Variants in R3HDM2 observed in about 807,000 individuals in gnomAD.
The protein encoded by R3HDM2 is R3H domain containing 2, also known as R3H domain-containing protein 2.
In R3HDM2, 38 loss-of-function variants were observed where a neutral mutation model predicts 124.5. The ratio of observed to expected loss-of-function variants is 0.31; its 90% CI spans 0.24 to 0.40. The LOEUF (loss-of-function observed/expected upper bound fraction) is 0.40. R3HDM2 is among the 10% of genes least tolerant of loss of function. The pLI is 1.00. For missense variants in R3HDM2, 869 were observed against 1,236.9 expected, an observed-to-expected ratio of 0.70 and a Z score of 4.46; for synonymous variants, 391 against 448.0, an observed-to-expected ratio of 0.87 and a Z score of 1.61.
chr12:57,361,443 T>C (rs1395793709), intron 2 of R3HDM2, among the ~76,000 whole-genome samples: 1 of 149,762 alleles, frequency 6.7e-6, no homozygotes, highest in African/African-American at 2.5e-5. Context: ...CCCTACACTT[T>C]GGGAAACTGA....
intron 2 of R3HDM2, among the ~76,000 whole-genome samples, chr12:57,344,960 G>A (rs2059941635): frequency 6.6e-6 from 1 of 151,794 alleles, no homozygotes; most frequent in Admixed American, 6.6e-5. Context: ...TCAGCCTCCA[G>A]AGTAGCTGGG....
chr12:57,382,118 G>A (rs1236853161), intron 2 of R3HDM2, among the ~76,000 whole-genome samples: 1 of 151,302 alleles, frequency 6.6e-6, no homozygotes, highest in Non-Finnish European at 1.5e-5. Flanking sequence ...ACTGCACCCA[G>A]ACTTTTTTTT....
chr12:57,360,049 T>TA (rs2061739660), intron 2 of R3HDM2, among the ~76,000 whole-genome samples: 50 of 52,714 alleles, frequency 9.5e-4, no homozygotes, highest in Admixed American at 3.2e-3. Context: ...ATATATATAT[T>TA]TTTTTTTTTT....
intron 1 of R3HDM2, among the ~76,000 whole-genome samples, chr12:57,419,374 A>C (rs1407213674): frequency 1.3e-5 from 2 of 150,706 alleles, no homozygotes; most frequent in African/African-American, 4.9e-5. Context: ...TGAACTCCTG[A>C]TCTCATGATC....
intron 2 of R3HDM2, among the ~76,000 whole-genome samples, chr12:57,385,655 T>A (rs1203033242): frequency 6.6e-6 from 1 of 150,902 alleles, no homozygotes; most frequent in Admixed American, 6.6e-5. Context: ...CAGTGAGCCC[T>A]GCACTCCAGC....
rs181165381 is a variant in R3HDM2 at position 57,335,767 on chromosome 12, T to C, written c.-35-25304A>G. Among the ~76,000 whole-genome samples the C allele has an allele frequency of 8.2e-4, 124 of 151,032 alleles. 2 individuals are homozygous for C. In the Middle Eastern group the frequency reaches 0.014, roughly 17 times the overall value. ...ATCTTCCCATGTCGGCCTCCCAAAG[T>C]GTTGAGATTATAGGTGTTAGCCAGG... On this transcript the variant is annotated intron_variant, in intron 2 of 23. Coordinates refer to ENST00000402412, the MANE Select transcript of R3HDM2 (RefSeq NM_001394031.1).
Position 57,283,999 on chromosome 12 carries a change from G to A in R3HDM2, c.996C>T (p.Ser332=), listed in dbSNP as rs748733035. 9.3e-6 allele frequency: 15 copies of A among 1,613,738 alleles called. No individual in the cohort carries two copies. The highest frequency in any genetic ancestry group is 1.7e-5 in the Admixed American group (1 of 59,928). The stretch of plus-strand genomic sequence containing the variant: ...GGCGTGGCTCCAGGGATTTGAGTTC[G>A]CTGTCTGTGCTGCTCTGGCGGCTGC... The part of the protein sequence containing the change: ...TSSSRQSSTD[S]ELKSLEPRPW... The change falls in exon 13 of 24, where the codon AGC becomes AGT. Residue 332 remains serine (S), a synonymous_variant. Transcript: ENST00000402412.
chr12:57,310,521 C>A, intron 2 of R3HDM2, 58 bp from the exon 3 acceptor site: 2 of 932,778 alleles, frequency 2.1e-6, no homozygotes, highest in Non-Finnish European at 2.8e-6. Flanking sequence ...AACAAATACA[C>A]AAGACTCGTA....
At chr12:57,406,713 A>T (rs1054503234) in intron 1 of R3HDM2, among the ~76,000 whole-genome samples, 2 of 152,222 alleles carry the variant, frequency 1.3e-5, no homozygotes, top group Non-Finnish European at 2.9e-5. Flanking sequence ...TAGACATCAC[A>T]TGCCCTTGAT....
At chr12:57,377,447 C>T (rs542072535) in intron 2 of R3HDM2, among the ~76,000 whole-genome samples, 48 of 152,158 alleles carry the variant, frequency 3.2e-4, no homozygotes, top group Non-Finnish European at 5.0e-4. Flanking sequence ...CATGAGGAGT[C>T]ATGAAGAGAT....
At chr12:57,416,820 A>G (rs1364317809) in intron 1 of R3HDM2, among the ~76,000 whole-genome samples, 2 of 151,260 alleles carry the variant, frequency 1.3e-5, no homozygotes, top group East Asian at 1.9e-4. Context: ...CCGCCCCACA[A>G]AAAAAAGCCA....
chr12:57,342,301 C>A (rs1465655806), intron 2 of R3HDM2, among the ~76,000 whole-genome samples: 1 of 152,002 alleles, frequency 6.6e-6, no homozygotes, highest in Non-Finnish European at 1.5e-5. Flanking sequence ...CCCCCACCCA[C>A]AGCCCTCTCC....
chr12:57,355,447 A>G (rs2061165611), intron 2 of R3HDM2, among the ~76,000 whole-genome samples: 1 of 146,228 alleles, frequency 6.8e-6, no homozygotes, highest in African/African-American at 2.5e-5. Context: ...CAACAGAGCG[A>G]GACTGTCTCA....
At chr12:57,317,742 C>T (rs975254247) in intron 2 of R3HDM2, among the ~76,000 whole-genome samples, 43 of 150,156 alleles carry the variant, frequency 2.9e-4, no homozygotes, top group Non-Finnish European at 5.5e-4. Flanking sequence ...CTGTAAAGGC[C>T]GAGACAGGCG....
chr12:57,270,427 TTTG>T (rs2043337548), intron 14 of R3HDM2, among the ~76,000 whole-genome samples: 1 of 151,352 alleles, frequency 6.6e-6, no homozygotes, highest in Non-Finnish European at 1.5e-5. Context: ...TTTGTTTTGT[TTTG>T]TTTTTTGTTT....
rs56207989 is a variant in R3HDM2 at position 57,320,261 on chromosome 12, C to CAAAAAAAAAAAAAAA, written c.-35-9813_-35-9799dup. 8.3e-3 allele frequency among the ~76,000 whole-genome samples: 118 copies of CAAAAAAAAAAAAAAA among 14,264 alleles called. 17 individuals are homozygous for CAAAAAAAAAAAAAAA. The highest frequency in any genetic ancestry group is 0.051 in the East Asian group (7 of 136). The allele number at this position is 14,264 out of a possible 152,430, so 9.4% of individuals were successfully genotyped here. A position where few individuals can be genotyped will look rare whatever the true frequency, so the allele number is the denominator to read the frequency against. On this transcript the variant is annotated intron_variant, in intron 2 of 23. Transcript: ENST00000402412. ...GGGCAACAAGAGTGCAACTCTATCT[C>CAAAAAAAAAAAAAAA]AAAAAAAAAAAAAAAAAAAAAAAAA...
chr12:57,361,157 C>T (rs767346551), intron 2 of R3HDM2, among the ~76,000 whole-genome samples: 1 of 151,208 alleles, frequency 6.6e-6, no homozygotes, highest in Non-Finnish European at 1.5e-5. Context: ...GGGCAGATCA[C>T]CTGAGGTCGC....
intron 1 of R3HDM2, among the ~76,000 whole-genome samples, chr12:57,413,984 T>C (rs1334007506): frequency 2.0e-5 from 3 of 149,708 alleles, no homozygotes; most frequent in Non-Finnish European, 4.4e-5. Context: ...TAGCTGAGAT[T>C]ACAGGCACAC....
In R3HDM2 at chr12:57,396,890, G is replaced by A. The variant is rs113106759; in HGVS notation, c.-105-1072C>T. Among the ~76,000 whole-genome samples, 421 of 152,058 alleles carry A rather than the reference G, an allele frequency of 2.8e-3. 2 individuals carry two copies. The highest frequency in any genetic ancestry group is 8.5e-3 in the African/African-American group (353 of 41,500). On this transcript the variant is annotated intron_variant, in intron 1 of 23. Transcript: ENST00000402412. ...GTGGATCACCTACTGTTAAAAGTTC[G>A]AGATCAGCCTGGCCAATATGGTGAA...
Sources: gnomAD v4.1 joint callset for allele counts (sites outside exome capture counted in the v4.1 genomes callset) on GRCh38, gnomAD v4.1.1 for gene constraint, MANE v1.5 for transcripts, NCBI Gene and HGNC (gene_info 2026-07-23, HGNC 2026-07-21) for gene names.